The following ZNF134 variants were observed in gnomAD, a reference collection of about 807,000 sequenced individuals.
ZNF134 encodes zinc finger protein 134 (clone pHZ-15).
Under a neutral mutation model 2.5 loss-of-function variants are expected in ZNF134, and 5 were observed. The observed-to-expected ratio is 2.03, with a 90% CI of 1.06 to 4.27. The LOEUF (loss-of-function observed/expected upper bound fraction) is 4.27. ZNF134 is among the 30% of genes most tolerant of loss of function. The pLI is 0.00. For missense variants in ZNF134, 540 were observed against 517.5 expected (o/e 1.04, Z -0.42); for synonymous variants, 176 against 176.2 (o/e 1.00, Z 0.01).
chr19:57,620,917 G>C lies in ZNF134; in HGVS notation c.798G>C (p.Gly266=). 1 of 1,614,186 alleles carries C rather than the reference G, an allele frequency of 6.2e-7. No individual in the cohort carries two copies. The highest frequency in any genetic ancestry group is 8.5e-7 in the Non-Finnish European group (1 of 1,180,028). Residue 266 remains glycine, a synonymous_variant, in exon 3 of 3, where the codon GGG becomes GGC. Coordinates refer to ENST00000396161, the MANE Select transcript of ZNF134 (RefSeq NM_003435.5). The part of the protein sequence containing the change: ...GEMPYKCNEC[G]KYFSHHSNLI... Reference sequence around the variant, plus strand: ...TGCCTTATAAGTGCAATGAATGTGGGAAATATTTTAGCCATCACTCCAATC... The same window carrying C: ...TGCCTTATAAGTGCAATGAATGTGGCAAATATTTTAGCCATCACTCCAATC...
At chr19:57,617,058 A>G (rs187884302) in intron 1 of ZNF134, among the ~76,000 whole-genome samples, 1 of 152,316 alleles carries the variant, frequency 6.6e-6, no homozygotes, top group East Asian at 1.9e-4. Flanking sequence ...ACTTAACTTA[A>G]GGCTAAACTA....
chr19:57,617,348 G>A (rs1019811537), intron 1 of ZNF134, among the ~76,000 whole-genome samples: 2 of 152,238 alleles, frequency 1.3e-5, no homozygotes, highest in African/African-American at 2.4e-5. Context: ...CGCTGTAGAG[G>A]TGGGAGATGT....
In ZNF134 at chr19:57,622,958, T is replaced by TACACACACACACAC. The variant is rs3054108; in HGVS notation, c.*1580_*1593dup. 1.4e-5 allele frequency: 2 copies of TACACACACACACAC among 147,178 alleles called. No homozygotes were observed. Among genetic ancestry groups the TACACACACACACAC allele is most frequent in the African/African-American group, 2.5e-5 (1 of 40,022 alleles). 9.1% of individuals were successfully genotyped at this position (147,178 alleles called of 1,614,324 possible). On this transcript the variant is annotated 3_prime_UTR_variant, in exon 3 of 3. Transcript: ENST00000396161. ...TTAAAGTGTACGAGTTAAGTCTTGA[T>TACACACACACACAC]ACACACACACACACACACACACACA...
chr19:57,618,331 T>C (rs1056053717), intron 1 of ZNF134, among the ~76,000 whole-genome samples: 3 of 152,186 alleles, frequency 2.0e-5, no homozygotes, highest in Non-Finnish European at 2.9e-5. Context: ...CTCTGGATGC[T>C]GTGTGCAGAT....
chr19:57,621,234 T>C lies in ZNF134; in HGVS notation c.1115T>C (p.Phe372Ser), dbSNP rs1395768848. 8 of 1,613,872 alleles carry C rather than the reference T, an allele frequency of 5.0e-6. No homozygotes were observed. Among genetic ancestry groups the C allele is most frequent in the Non-Finnish European group, 6.8e-6 (8 of 1,179,946 alleles). ...AGGGTTCACACTGGTGAAAGGCCTTTTGTGTGCAGTAAATGTGGGAAAGAC... is the reference window on the plus strand; with the variant it reads ...AGGGTTCACACTGGTGAAAGGCCTTCTGTGTGCAGTAAATGTGGGAAAGAC... ...HQRVHTGERP[F>S]VCSKCGKDFI... The change falls in exon 3 of 3, where the codon TTT becomes TCT. Residue 372 changes from phenylalanine (F) to serine (S), a missense_variant. Phe to Ser is a radical substitution (Grantham distance 155). Coordinates refer to ENST00000396161, the MANE Select transcript of ZNF134 (RefSeq NM_003435.5).
At chr19:57,614,567 C>T (rs1980998701) in intron 1 of ZNF134, 64 bp downstream of exon 1, 8 of 343,066 alleles carry the variant, frequency 2.3e-5, no homozygotes, top group South Asian at 1.7e-4. Context: ...TGAGGAGCGC[C>T]TGTCTGAGTC....
rs1389868849 is a variant in ZNF134, at chr19:57,622,271, T to C, written c.*868T>C. ...ATGTGTCCCATGTTCCCCAACACTG[T>C]TGAGGGAAAGCTGTTCCTCAGGACC... is the stretch of plus-strand genomic sequence containing the variant. On this transcript the variant is annotated 3_prime_UTR_variant, in exon 3 of 3. Transcript: ENST00000396161. The C allele has an allele frequency of 6.6e-6, 1 of 152,364 alleles. No individual in the cohort carries two copies. Among genetic ancestry groups the C allele is most frequent in the Non-Finnish European group, 1.5e-5 (1 of 68,184 alleles). 9.4% of individuals were successfully genotyped at this position (152,364 alleles called of 1,614,324 possible).
chr19:57,619,475 C>T lies in ZNF134; in HGVS notation c.7C>T (p.Leu3=). ...TCTGGCTGCCTGAGAGGGCATGACTCTAGTCACAGCAGGAGGGGCTTGGAC... is the reference window on the plus strand; with the variant it reads ...TCTGGCTGCCTGAGAGGGCATGACTTTAGTCACAGCAGGAGGGGCTTGGAC... MT[L]VTAGGAWTGP... is the part of the protein sequence containing the mutation. Residue 3 remains leucine (L), a synonymous_variant, in exon 2 of 3, where the codon CTA becomes TTA. Transcript: ENST00000396161. 1.0e-5 allele frequency: 16 copies of T among 1,606,062 alleles called. No homozygotes were observed. The highest frequency in any genetic ancestry group is 1.4e-5 in the Non-Finnish European group (16 of 1,176,478).
intron 2 of ZNF134, 42 bp from the exon 3 acceptor site, chr19:57,620,118 C>T: frequency 6.3e-7 from 1 of 1,580,978 alleles, no homozygotes; most frequent in Non-Finnish European, 8.6e-7. Context: ...GCCCCACCCA[C>T]CAAAGTCAGC....
Position 57,616,939 on chromosome 19 carries a change from T to C in ZNF134, c.-58+2436T>C, listed in dbSNP as rs569712788. ...GAGGTCCTGCAGTCACCCAAAGCTC[T>C]GTGTTGTAAATTCTGTTTTGGAATT... On this transcript the variant is annotated intron_variant, in intron 1 of 2. Coordinates refer to ENST00000396161, the MANE Select transcript of ZNF134 (RefSeq NM_003435.5). 8.5e-5 allele frequency among the ~76,000 whole-genome samples: 13 copies of C among 152,326 alleles called. No homozygotes were observed. The East Asian group carries it at 2.3e-3, about 27-fold the overall frequency.
chr19:57,621,022 T>C lies in ZNF134; in HGVS notation c.903T>C (p.Ser301=). 6.2e-7 allele frequency: 1 copy of C among 1,614,066 alleles called. No individual in the cohort carries two copies. Among genetic ancestry groups the C allele is most frequent in the Non-Finnish European group, 8.5e-7 (1 of 1,179,998 alleles). Reference sequence around the variant, plus strand: ...GTGGGAAAGTCTTCAGACACAAATCTACACTTGTTCAGCATGAGAGTATTC... The same window carrying C: ...GTGGGAAAGTCTTCAGACACAAATCCACACTTGTTCAGCATGAGAGTATTC... The part of the protein sequence containing the change: ...SDCGKVFRHK[S]TLVQHESIHT... Residue 301 remains serine, a synonymous_variant, in exon 3 of 3, where the codon TCT becomes TCC. Transcript: ENST00000396161.
At position 57,620,509 on chromosome 19, in the gene ZNF134, G is replaced by T; in HGVS notation, c.390G>T (p.Lys130Asn). Reference sequence around the variant, plus strand: ...GCAAAGAACCTCATCCGTCAGAGAAGCCCTTTACGTGTAAGGAGGAGCAGA... The same window carrying T: ...GCAAAGAACCTCATCCGTCAGAGAATCCCTTTACGTGTAAGGAGGAGCAGA... ...TVSKEPHPSE[K>N]PFTCKEEQKN... Residue 130 changes from lysine (K) to asparagine (N), a missense_variant, in exon 3 of 3, where the codon AAG (lysine) becomes AAT (asparagine). Physicochemically the swap from Lys to Asn is moderately conservative, Grantham distance 94. Transcript: ENST00000396161. The T allele has an allele frequency of 6.2e-7, 1 of 1,614,220 alleles. No homozygotes were observed. The highest frequency in any genetic ancestry group is 8.5e-7 in the Non-Finnish European group (1 of 1,180,032).
In ZNF134 at chr19:57,619,425, G is replaced by T. The variant is rs375806156; in HGVS notation, c.-44G>T. The stretch of plus-strand genomic sequence containing the variant: ...TGTATCTTCCAGATCCTCTGTGGTT[G>T]TTGAATTGTAACAAGAGAGAGAACT... On this transcript the variant is annotated 5_prime_UTR_variant, in exon 2 of 3. Transcript: ENST00000396161. 23 of 1,583,442 alleles carry T rather than the reference G, an allele frequency of 1.5e-5. No homozygotes were observed. Among genetic ancestry groups the T allele is most frequent in the Middle Eastern group, 1.7e-4 (1 of 6,044 alleles).
At chr19:57,615,545 A>G (rs1981027306) in intron 1 of ZNF134, among the ~76,000 whole-genome samples, 1 of 152,058 alleles carries the variant, frequency 6.6e-6, no homozygotes, top group Admixed American at 6.6e-5. Context: ...AAGGCAATTT[A>G]CTTCTGTGCA....
In ZNF134 at chr19:57,620,515, T is replaced by A. The variant is rs921208344; in HGVS notation, c.396T>A (p.Phe132Leu). The change falls in exon 3 of 3, where the codon TTT (phenylalanine) becomes TTA (leucine). Residue 132 changes from phenylalanine (F) to leucine (L), a missense_variant. Transcript: ENST00000396161. ...SKEPHPSEKP[F>L]TCKEEQKNFQ... Reference sequence around the variant, plus strand: ...AACCTCATCCGTCAGAGAAGCCCTTTACGTGTAAGGAGGAGCAGAAAAACT... The same window carrying A: ...AACCTCATCCGTCAGAGAAGCCCTTAACGTGTAAGGAGGAGCAGAAAAACT... 9.3e-6 allele frequency: 15 copies of A among 1,614,088 alleles called. No individual in the cohort carries two copies. Among genetic ancestry groups the A allele is most frequent in the Non-Finnish European group, 1.2e-5 (14 of 1,180,046 alleles).
rs765161862 is a variant in ZNF134 at position 57,620,304 on chromosome 19, T to G, written c.185T>G (p.Ile62Ser). The change falls in exon 3 of 3, where the codon ATT becomes AGT. Residue 62 changes from isoleucine to serine, a missense_variant. Ile to Ser is a moderately radical substitution (Grantham distance 142). Coordinates refer to ENST00000396161, the MANE Select transcript of ZNF134 (RefSeq NM_003435.5). ...CDICGPILKD[I>S]LHLDEHQGTH... is the part of the protein sequence containing the mutation. Reference sequence around the variant, plus strand: ...ATATGTGGCCCCATCTTGAAAGATATTTTGCACCTGGATGAACACCAGGGT... The same window carrying G: ...ATATGTGGCCCCATCTTGAAAGATAGTTTGCACCTGGATGAACACCAGGGT... 6.2e-7 allele frequency: 1 copy of G among 1,614,158 alleles called. No individual in the cohort carries two copies. The highest frequency in any genetic ancestry group is 8.5e-7 in the Non-Finnish European group (1 of 1,180,038).
At chr19:57,617,575 C>T (rs1207183821) in intron 1 of ZNF134, among the ~76,000 whole-genome samples, 1 of 152,068 alleles carries the variant, frequency 6.6e-6, no homozygotes, top group Non-Finnish European at 1.5e-5. Context: ...CTACCATGTT[C>T]CAAAGACACT....
chr19:57,616,891 G>A (rs1376446097), intron 1 of ZNF134, among the ~76,000 whole-genome samples: 3 of 152,156 alleles, frequency 2.0e-5, no homozygotes, highest in Non-Finnish European at 4.4e-5. Context: ...ACTCTTCAGT[G>A]TCCCTTCTGC....
At chr19:57,619,746 TA>T (rs1981144470) in intron 2 of ZNF134, 2 of 577,210 alleles carry the variant, frequency 3.5e-6, no homozygotes, top group African/African-American at 3.7e-5. Flanking sequence ...TGCTTTCCAA[TA>T]TTGTACTACA....
Sources: gnomAD v4.1 joint callset for allele counts (sites outside exome capture counted in the v4.1 genomes callset) on GRCh38, gnomAD v4.1.1 for gene constraint, MANE v1.5 for transcripts, NCBI Gene and HGNC (gene_info 2026-07-23, HGNC 2026-07-21) for gene names.